PPP1R9A: variants seen among roughly 807,000 people sequenced by gnomAD.
PPP1R9A encodes neurabin-1.
Under a neutral mutation model 141.9 loss-of-function variants are expected in PPP1R9A, and 59 were observed. That is an observed-to-expected ratio of 0.42 (90% CI 0.34 to 0.52). The LOEUF is 0.52. PPP1R9A is among the 20% of genes least tolerant of loss of function. The pLI, the probability that PPP1R9A is intolerant of heterozygous loss-of-function variation, is 0.10. For missense variants in PPP1R9A, 1,444 were observed against 1,611.9 expected, an observed-to-expected ratio of 0.90 and a Z score of 1.78; for synonymous variants, 500 against 569.7, an observed-to-expected ratio of 0.88 and a Z score of 1.74.
intron 4 of PPP1R9A, among the ~76,000 whole-genome samples, chr7:95,143,980 C>T (rs143071313): frequency 6.6e-6 from 1 of 151,984 alleles, no homozygotes; most frequent in Non-Finnish European, 1.5e-5. Flanking sequence ...TTCATCAGCT[C>T]ACATAGTTAA....
chr7:95,038,789 A>G (rs550975187), intron 2 of PPP1R9A, among the ~76,000 whole-genome samples: 1 of 152,310 alleles, frequency 6.6e-6, no homozygotes, highest in South Asian at 2.1e-4. Context: ...CCTTGCCCCC[A>G]TTTCACTATC....
chr7:95,039,833 A>C (rs76991380), intron 2 of PPP1R9A, among the ~76,000 whole-genome samples: 32 of 152,148 alleles, frequency 2.1e-4, no homozygotes, highest in Admixed American at 1.2e-3. Context: ...GAGATAAAGG[A>C]GAAAAATATT....
chr7:95,203,677 G>C lies in PPP1R9A; in HGVS notation c.1903G>C (p.Glu635Gln). 1 of 1,536,438 alleles carries C rather than the reference G, an allele frequency of 6.5e-7. No homozygotes were observed. Among genetic ancestry groups the C allele is most frequent in the Non-Finnish European group, 8.7e-7 (1 of 1,146,370 alleles). Reference protein sequence around the residue: ...DADDDENTVAELQGMSGNCNN... With the variant: ...DADDDENTVAQLQGMSGNCNN... Reference sequence around the variant, plus strand: ...TCAACCATTTTAGAACACTGTGGCTGAATTGCAAGGAATGTCTGGCAACTG... The same window carrying C: ...TCAACCATTTTAGAACACTGTGGCTCAATTGCAAGGAATGTCTGGCAACTG... The change falls in exon 7 of 20, where the codon GAA becomes CAA. Residue 635 changes from glutamate to glutamine, a missense_variant. This residue lies in a region of PPP1R9A where 488 missense variants were observed against 542.0 expected (regional missense o/e 0.90). Transcript: ENST00000433360.
At chr7:95,182,494 C>T (rs1169647404) in intron 5 of PPP1R9A, among the ~76,000 whole-genome samples, 1 of 152,038 alleles carries the variant, frequency 6.6e-6, no homozygotes, top group Non-Finnish European at 1.5e-5. Flanking sequence ...ATGCAATAAA[C>T]CTCAAAATGT....
chr7:95,099,335 G>A (rs1818450250), intron 2 of PPP1R9A, among the ~76,000 whole-genome samples: 1 of 152,168 alleles, frequency 6.6e-6, no homozygotes, highest in Non-Finnish European at 1.5e-5. Context: ...GTGGAAACTG[G>A]ACCAAGGCCA....
intron 2 of PPP1R9A, among the ~76,000 whole-genome samples, chr7:95,072,696 AATATAAT>A (rs1563196649): frequency 8.7e-6 from 1 of 115,584 alleles, no homozygotes; most frequent in Admixed American, 1.2e-4. Flanking sequence ...TATATTATGT[AATATAAT>A]ATATAATATA....
At chr7:95,033,752 T>C (rs746986595) in intron 2 of PPP1R9A, among the ~76,000 whole-genome samples, 19 of 152,166 alleles carry the variant, frequency 1.2e-4, no homozygotes, top group Non-Finnish European at 2.2e-4. Context: ...GGTCTCAATA[T>C]TGTCATTGAA....
chr7:95,104,744 A>C (rs1563241823), intron 2 of PPP1R9A, among the ~76,000 whole-genome samples: 2 of 152,194 alleles, frequency 1.3e-5, no homozygotes, highest in East Asian at 3.8e-4. Flanking sequence ...GAGATTATAC[A>C]TTGCTCTAAA....
At chr7:95,234,294 A>T (rs1796376871) in intron 8 of PPP1R9A, among the ~76,000 whole-genome samples, 1 of 152,184 alleles carries the variant, frequency 6.6e-6, no homozygotes, top group Admixed American at 6.6e-5. Flanking sequence ...ACTCATCCAA[A>T]AAGTTCCTAG....
At chr7:95,145,412 T>C (rs1427840727) in intron 4 of PPP1R9A, among the ~76,000 whole-genome samples, 2 of 152,110 alleles carry the variant, frequency 1.3e-5, no homozygotes, top group Non-Finnish European at 2.9e-5. Context: ...CAAAATTCAG[T>C]CTTCAAGATT....
intron 2 of PPP1R9A, among the ~76,000 whole-genome samples, chr7:95,089,829 G>A (rs1462215455): frequency 2.0e-5 from 3 of 151,628 alleles, no homozygotes; most frequent in Non-Finnish European, 4.4e-5. Flanking sequence ...TGTAACTCAG[G>A]GAACTAGTTC....
intron 2 of PPP1R9A, among the ~76,000 whole-genome samples, chr7:95,070,612 C>T (rs117126437): frequency 0.15 from 11,403 of 77,658 alleles, 860 homozygotes; most frequent in Admixed American, 0.26. Flanking sequence ...TATATATATA[C>T]ACACACACAC....
At chr7:94,987,500 A>G (rs1377088709) in intron 2 of PPP1R9A, among the ~76,000 whole-genome samples, 3 of 152,196 alleles carry the variant, frequency 2.0e-5, no homozygotes, top group African/African-American at 7.2e-5. Context: ...CCTACTTCTC[A>G]TAGTGTATTC....
At chr7:94,999,968 A>G (rs897198812) in intron 2 of PPP1R9A, among the ~76,000 whole-genome samples, 1 of 151,744 alleles carries the variant, frequency 6.6e-6, no homozygotes, top group East Asian at 1.9e-4. Context: ...CGCCAGGCTA[A>G]TTTTTTGTAT....
intron 2 of PPP1R9A, among the ~76,000 whole-genome samples, chr7:95,048,888 A>G (rs945668831): frequency 5.3e-5 from 8 of 152,126 alleles, no homozygotes; most frequent in African/African-American, 1.9e-4. Flanking sequence ...TTATTGATAT[A>G]ACCATTTATA....
intron 2 of PPP1R9A, among the ~76,000 whole-genome samples, chr7:95,029,852 T>C (rs1239332543): frequency 6.6e-6 from 1 of 152,196 alleles, no homozygotes; most frequent in Non-Finnish European, 1.5e-5. Flanking sequence ...TGACATACAT[T>C]GCCGTTTTAG....
At chr7:95,066,869 A>G (rs961758821) in intron 2 of PPP1R9A, among the ~76,000 whole-genome samples, 2 of 152,242 alleles carry the variant, frequency 1.3e-5, no homozygotes, top group Admixed American at 6.5e-5. Flanking sequence ...TGTGCAATAA[A>G]GAAGAAAGGA....
intron 4 of PPP1R9A, among the ~76,000 whole-genome samples, chr7:95,158,728 A>T (rs1034192644): frequency 2.0e-5 from 3 of 152,348 alleles, no homozygotes; most frequent in Non-Finnish European, 4.4e-5. Flanking sequence ...AAGATATCTC[A>T]TTTAAGTTAA....
At chr7:95,094,871 C>CT (rs917402446) in intron 2 of PPP1R9A, among the ~76,000 whole-genome samples, 2 of 68,746 alleles carry the variant, frequency 2.9e-5, no homozygotes, top group Non-Finnish European at 6.6e-5. Context: ...CAGAGGGAGA[C>CT]TGCGTCTCAA....
Sources: gnomAD v4.1 joint callset for allele counts (sites outside exome capture counted in the v4.1 genomes callset) on GRCh38, gnomAD v4.1.1 for gene constraint, gnomAD v4.1.1 regional missense constraint, MANE v1.5 for transcripts, NCBI Gene and HGNC (gene_info 2026-07-23, HGNC 2026-07-21) for gene names.